CDON: variants seen among roughly 807,000 people sequenced by gnomAD.
CDON encodes the protein cell adhesion molecule-related/down-regulated by oncogenes.
A neutral mutation model predicts 120.9 loss-of-function variants in CDON; 73 were observed. That is an observed-to-expected ratio of 0.60 (90% CI 0.50 to 0.73). CDON has a LOEUF of 0.73. Among genes scored for constraint, CDON ranks in the 30% least tolerant of loss-of-function variants. The pLI is 0.00. For synonymous variants in CDON, 566 were observed against 573.5 expected, an observed-to-expected ratio of 0.99 and a Z score of 0.19; for missense variants, 1,470 against 1,587.3, an observed-to-expected ratio of 0.93 and a Z score of 1.26.
chr11:125,982,419 G>C (rs1030685479), intron 16 of CDON, among the ~76,000 whole-genome samples: 3 of 152,190 alleles, frequency 2.0e-5, no homozygotes, highest in Admixed American at 2.0e-4. Flanking sequence ...TTGGAGTCTG[G>C]ATAAATTCTT....
At chr11:125,972,849 C>T (rs1413713892) in intron 18 of CDON, among the ~76,000 whole-genome samples, 2 of 151,778 alleles carry the variant, frequency 1.3e-5, no homozygotes, top group Non-Finnish European at 2.9e-5. Context: ...ATAAAGAAGG[C>T]GAATTGCAGA....
intron 11 of CDON, 113 bp from the exon 12 acceptor site, chr11:125,997,523 C>T (rs1946824759): frequency 3.6e-6 from 3 of 831,636 alleles, no homozygotes; most frequent in Non-Finnish European, 6.0e-6. Flanking sequence ...CTTCACCAAA[C>T]TTTTTGCCAG....
intron 6 of CDON, 112 bp from the exon 7 acceptor site, chr11:126,015,622 A>T: frequency 1.8e-6 from 2 of 1,128,314 alleles, no homozygotes; most frequent in East Asian, 5.1e-5. Context: ...ACAAAGTTGC[A>T]TTGTTTATTC....
rs1945658448 is a variant in CDON at position 125,961,965 on chromosome 11, G to A, written c.3390C>T (p.Ser1130=). 6.2e-7 allele frequency: 1 copy of A among 1,614,234 alleles called. No homozygotes were observed. The highest frequency in any genetic ancestry group is 1.3e-5 in the African/African-American group (1 of 75,058). ...CFTKTNSTFS[S]SPPPVVPVVA... The stretch of plus-strand genomic sequence containing the variant: ...CCACAGGGACCACAGGAGGAGGGCT[G>A]CTGCTGAAAGTGCTGTTGGTTTTGG... Residue 1130 remains serine, a synonymous_variant, in exon 19 of 20, where the codon AGC becomes AGT. Transcript: ENST00000531738.
chr11:125,993,397 A>G (rs1213593502), intron 14 of CDON, among the ~76,000 whole-genome samples: 54 of 1,484 alleles, frequency 0.036, no homozygotes, highest in African/African-American at 0.17. Context: ...GCGTGCGTGC[A>G]CACACACACA....
chr11:125,961,111 A>G lies in CDON; in HGVS notation c.3632-6T>C. On this transcript the variant is annotated splice_polypyrimidine_tract_variant and splice_region_variant and intron_variant, in intron 19 of 19. Coordinates refer to ENST00000531738, the MANE Select transcript of CDON (RefSeq NM_001378964.1). ...TGAATGGGCACAGCTGTCTCCTGAAACACAGCAGGGTTTGGGAGCATTATC... is the reference window on the plus strand; with the variant it reads ...TGAATGGGCACAGCTGTCTCCTGAAGCACAGCAGGGTTTGGGAGCATTATC... 1 of 1,613,472 alleles carries G rather than the reference A, an allele frequency of 6.2e-7. No homozygotes were observed. Among genetic ancestry groups the G allele is most frequent in the Non-Finnish European group, 8.5e-7 (1 of 1,179,560 alleles).
intron 18 of CDON, among the ~76,000 whole-genome samples, chr11:125,969,676 C>T (rs958618387): frequency 2.0e-5 from 3 of 152,156 alleles, no homozygotes; most frequent in Non-Finnish European, 4.4e-5. Context: ...TTGCTACATA[C>T]AAAAATCTAA....
At chr11:125,985,029 CAT>C (rs1946424525) in intron 15 of CDON, among the ~76,000 whole-genome samples, 1 of 152,136 alleles carries the variant, frequency 6.6e-6, no homozygotes, top group African/African-American at 2.4e-5. Context: ...ATTCCCAAAT[CAT>C]ATGTTCTTAA....
chr11:125,971,690 G>A (rs527285970), intron 18 of CDON, among the ~76,000 whole-genome samples: 4 of 152,050 alleles, frequency 2.6e-5, no homozygotes, highest in Admixed American at 6.5e-5. Flanking sequence ...GATTTTCGCT[G>A]GGAGACTTCC....
At chr11:126,028,775 T>C (rs1591405000) in intron 1 of CDON, among the ~76,000 whole-genome samples, 2 of 151,736 alleles carry the variant, frequency 1.3e-5, no homozygotes, top group Non-Finnish European at 2.9e-5. Flanking sequence ...TACTTAACCA[T>C]TCTCTTTTGG....
chr11:126,057,025 T>C (rs1483182583), intron 1 of CDON, among the ~76,000 whole-genome samples: 1 of 152,210 alleles, frequency 6.6e-6, no homozygotes, highest in African/African-American at 2.4e-5. Flanking sequence ...AGATGGTCCT[T>C]TTCCCCTATT....
At chr11:126,009,840 C>T (rs1185742774) in intron 8 of CDON, among the ~76,000 whole-genome samples, 2 of 152,046 alleles carry the variant, frequency 1.3e-5, no homozygotes, top group Admixed American at 6.6e-5. Flanking sequence ...GTTTTTAAGT[C>T]ATCATCACAA....
At chr11:126,043,506 C>A (rs1182931994) in intron 1 of CDON, among the ~76,000 whole-genome samples, 1 of 152,174 alleles carries the variant, frequency 6.6e-6, no homozygotes, top group Admixed American at 6.5e-5. Flanking sequence ...AGAACCTGGA[C>A]AACTTGCAGT....
chr11:126,011,087 T>C (rs1350726189), intron 7 of CDON, among the ~76,000 whole-genome samples: 1 of 152,010 alleles, frequency 6.6e-6, no homozygotes, highest in African/African-American at 2.4e-5. Context: ...TTCAAGAAAA[T>C]GGTCAATTTT....
At chr11:126,018,089 A>C (rs1947522307) in intron 5 of CDON, among the ~76,000 whole-genome samples, 1 of 152,040 alleles carries the variant, frequency 6.6e-6, no homozygotes, top group Non-Finnish European at 1.5e-5. Flanking sequence ...TATTAGAGAC[A>C]GGGTTTCACC....
chr11:126,045,704 C>G (rs1039126188), intron 1 of CDON, among the ~76,000 whole-genome samples: 2 of 152,132 alleles, frequency 1.3e-5, no homozygotes, highest in South Asian at 2.1e-4. Flanking sequence ...GGCACAGTGG[C>G]TCACCCCTGT....
chr11:125,996,021 TAAAG>T (rs1406533639), intron 12 of CDON, among the ~76,000 whole-genome samples: 1 of 152,144 alleles, frequency 6.6e-6, no homozygotes, highest in Admixed American at 6.5e-5. Context: ...AAACAAAACT[TAAAG>T]AACAAACGCG....
chr11:125,987,624 T>A (rs1946507198), intron 15 of CDON, among the ~76,000 whole-genome samples: 1 of 152,206 alleles, frequency 6.6e-6, no homozygotes, highest in South Asian at 2.1e-4. Context: ...GAAAATGAGG[T>A]ATACTATTGT....
chr11:125,981,412 A>G (rs1946297318), intron 16 of CDON, 83 bp from the exon 17 acceptor site: 9 of 1,420,458 alleles, frequency 6.3e-6, no homozygotes, highest in Admixed American at 1.7e-5. Flanking sequence ...GCATGCACAC[A>G]TGCACATACG....
Sources: allele counts gnomAD v4.1 joint callset (sites outside exome capture counted in the v4.1 genomes callset), GRCh38; gene constraint gnomAD v4.1.1; transcripts MANE v1.5; gene names NCBI Gene and HGNC (gene_info 2026-07-23, HGNC 2026-07-21).